The following PDGFC variants were observed in gnomAD, a reference collection of about 807,000 sequenced individuals.
The protein encoded by PDGFC is platelet-derived growth factor C.
A neutral mutation model predicts 35.5 loss-of-function variants in PDGFC; 12 were observed. The observed-to-expected ratio is 0.34, with a 90% CI of 0.22 to 0.55. PDGFC has a LOEUF of 0.55. PDGFC is among the 20% of genes least tolerant of loss of function. The probability of loss-of-function intolerance (pLI) is 0.91; values close to 1 mark genes in which losing one functional copy is unlikely to be tolerated. For synonymous variants in PDGFC, 159 were observed against 148.8 expected (o/e 1.07, Z -0.50); for missense variants, 322 against 412.4 (o/e 0.78, Z 1.90).
chr4:156,963,612 T>C (rs769200703), intron 1 of PDGFC, among the ~76,000 whole-genome samples: 6 of 152,078 alleles, frequency 3.9e-5, no homozygotes, highest in African/African-American at 7.2e-5. Flanking sequence ...TAGTCTGGTG[T>C]GGAAACAGGG....
At chr4:156,852,748 G>A (rs1729486533) in intron 1 of PDGFC, among the ~76,000 whole-genome samples, 1 of 152,184 alleles carries the variant, frequency 6.6e-6, no homozygotes, top group African/African-American at 2.4e-5. Context: ...TAAACCCAGA[G>A]AAATTTCAAA....
chr4:156,786,746 A>G (rs1430892089), intron 3 of PDGFC, among the ~76,000 whole-genome samples: 1 of 152,214 alleles, frequency 6.6e-6, no homozygotes, highest in Non-Finnish European at 1.5e-5. Flanking sequence ...CCAAAATTAT[A>G]AAATCATTCA....
intron 3 of PDGFC, among the ~76,000 whole-genome samples, chr4:156,793,331 G>A (rs909324076): frequency 8.6e-5 from 13 of 151,412 alleles, no homozygotes; most frequent in Admixed American, 5.3e-4. Context: ...TCCCAGAAAG[G>A]GACGTAAAAT....
intron 1 of PDGFC, among the ~76,000 whole-genome samples, chr4:156,939,252 C>A (rs902534050): frequency 6.6e-6 from 1 of 152,018 alleles, no homozygotes; most frequent in African/African-American, 2.4e-5. Context: ...AAAGTTATAT[C>A]TTTTTCTGAT....
chr4:156,820,349 T>C (rs1439060604), intron 2 of PDGFC, among the ~76,000 whole-genome samples: 1 of 152,226 alleles, frequency 6.6e-6, no homozygotes, highest in Non-Finnish European at 1.5e-5. Context: ...TCAATCAACA[T>C]GTCAAAGTTC....
rs115945376 is a variant in PDGFC, at chr4:156,798,492, C to T, written c.495+12345G>A. Among the ~76,000 whole-genome samples, 322 of 152,142 alleles carry T rather than the reference C, an allele frequency of 2.1e-3. 2 individuals are homozygous for T. The highest frequency in any genetic ancestry group is 7.1e-3 in the African/African-American group (293 of 41,500). ...GTAATTGGGAATCCTATTAGAATTC[C>T]CCTGACTTTAACACAAAACAAAACA... On this transcript the variant is annotated intron_variant, in intron 3 of 5. Coordinates refer to ENST00000502773, the MANE Select transcript of PDGFC (RefSeq NM_016205.3).
At chr4:156,768,523 G>C (rs986104327) in intron 4 of PDGFC, among the ~76,000 whole-genome samples, 1 of 151,916 alleles carries the variant, frequency 6.6e-6, no homozygotes, top group Admixed American at 6.6e-5. Flanking sequence ...AGCATGAAGA[G>C]AACGCACATT....
intron 1 of PDGFC, among the ~76,000 whole-genome samples, chr4:156,918,076 C>T (rs919406997): frequency 1.3e-5 from 2 of 152,136 alleles, no homozygotes; most frequent in East Asian, 3.9e-4. Flanking sequence ...CTTTACAAAG[C>T]TTACATTGCT....
chr4:156,790,063 G>A (rs1731252182), intron 3 of PDGFC, among the ~76,000 whole-genome samples: 1 of 151,404 alleles, frequency 6.6e-6, no homozygotes, highest in African/African-American at 2.4e-5. Context: ...CAGAAGACCT[G>A]GGCACAGGCC....
At chr4:156,902,508 C>T (rs1730813836) in intron 1 of PDGFC, among the ~76,000 whole-genome samples, 1 of 152,104 alleles carries the variant, frequency 6.6e-6, no homozygotes, top group Non-Finnish European at 1.5e-5. Flanking sequence ...AAACAATATA[C>T]CTTATTGCTT....
chr4:156,890,114 C>A (rs1203330200), intron 1 of PDGFC, among the ~76,000 whole-genome samples: 2 of 151,990 alleles, frequency 1.3e-5, no homozygotes, highest in African/African-American at 4.8e-5. Flanking sequence ...GGGCACTGGT[C>A]TGGAACCTAC....
At chr4:156,779,411 T>TA (rs1411667217) in intron 3 of PDGFC, among the ~76,000 whole-genome samples, 1 of 152,156 alleles carries the variant, frequency 6.6e-6, no homozygotes, top group African/African-American at 2.4e-5. Context: ...CATCAAGGCT[T>TA]AAAATTGAGG....
chr4:156,890,096 G>C (rs1412038926), intron 1 of PDGFC, among the ~76,000 whole-genome samples: 2 of 152,072 alleles, frequency 1.3e-5, no homozygotes, highest in African/African-American at 4.8e-5. Flanking sequence ...TGAGGTTACA[G>C]AAAGGGAGGG....
chr4:156,847,459 T>C (rs1729353130), intron 2 of PDGFC, among the ~76,000 whole-genome samples: 1 of 151,756 alleles, frequency 6.6e-6, no homozygotes, highest in Admixed American at 6.6e-5. Flanking sequence ...TGTCTAGTCA[T>C]GAGACACAAG....
chr4:156,801,352 C>T (rs1162574300), intron 3 of PDGFC, among the ~76,000 whole-genome samples: 2 of 152,148 alleles, frequency 1.3e-5, no homozygotes, highest in Non-Finnish European at 2.9e-5. Context: ...TTAGCTGGCT[C>T]TATGTGCATT....
At chr4:156,921,955 C>T (rs1731293465) in intron 1 of PDGFC, among the ~76,000 whole-genome samples, 1 of 152,018 alleles carries the variant, frequency 6.6e-6, no homozygotes, top group Admixed American at 6.6e-5. Flanking sequence ...GTGATCGATG[C>T]AATAAACTGC....
chr4:156,970,862 G>C lies in PDGFC; in HGVS notation c.42C>G (p.Ala14=). ...CCGCCTGAGTCCCCTGTCTCTGGCC[G>C]GCCAGGGCAGATGTCAGCAGGAGAA... ...FGLLLLTSAL[A]GQRQGTQAES... The change falls in exon 1 of 6, where the codon GCC becomes GCG. Residue 14 remains alanine (A), a synonymous_variant. Transcript: ENST00000502773. 1 of 1,613,952 alleles carries C rather than the reference G, an allele frequency of 6.2e-7. No homozygotes were observed. The highest frequency in any genetic ancestry group is 2.2e-5 in the East Asian group (1 of 44,836).
At chr4:156,904,179 T>C (rs11732506) in intron 1 of PDGFC, among the ~76,000 whole-genome samples, 78,663 of 151,904 alleles carry the variant, frequency 0.52, 21,369 homozygotes, top group East Asian at 0.63. Flanking sequence ...GAATCTTTCA[T>C]TGGACAGAAA....
chr4:156,783,047 T>A (rs912019627), intron 3 of PDGFC, among the ~76,000 whole-genome samples: 9 of 152,082 alleles, frequency 5.9e-5, no homozygotes, highest in African/African-American at 2.2e-4. Context: ...AAAGAAGAGA[T>A]CAAAGTTAAT....
Sources: gnomAD v4.1 joint callset for allele counts (sites outside exome capture counted in the v4.1 genomes callset) on GRCh38, gnomAD v4.1.1 for gene constraint, MANE v1.5 for transcripts, NCBI Gene and HGNC (gene_info 2026-07-23, HGNC 2026-07-21) for gene names.